SCYL3: variants seen among roughly 807,000 people sequenced by gnomAD.
SCYL3 encodes the protein SCY1 like pseudokinase 3, also known as protein-associating with the carboxyl-terminal domain of ezrin.
Under a neutral mutation model 73.8 loss-of-function variants are expected in SCYL3, and 35 were observed. The ratio of observed to expected loss-of-function variants is 0.47; its 90% CI spans 0.36 to 0.63. The LOEUF is 0.63. Among genes scored for constraint, SCYL3 ranks in the 20% least tolerant of loss-of-function variants. SCYL3 has a pLI of 0.00. For synonymous variants in SCYL3, 277 were observed against 295.2 expected (o/e 0.94, Z 0.63); for missense variants, 712 against 798.9 (o/e 0.89, Z 1.31).
chr1:169,855,049 G>T (rs948016631), intron 11 of SCYL3, 85 bp from the exon 12 acceptor site: 7 of 948,058 alleles, frequency 7.4e-6, no homozygotes, highest in Non-Finnish European at 1.1e-5. Flanking sequence ...AGGAAGTGTA[G>T]TAGTATAGGT....
In SCYL3 at chr1:169,852,072, C is replaced by CTGTT. The variant is rs1387981620; in HGVS notation, c.*1637_*1640dup. On this transcript the variant is annotated 3_prime_UTR_variant, in exon 13 of 13. Coordinates refer to ENST00000367771, the MANE Select transcript of SCYL3 (RefSeq NM_020423.7). ...CAAATAGATCTAGACATGTAAAATT[C>CTGTT]TGTTTTATGGTAGTTGCTTTTAAAA... 8.1e-7 allele frequency: 1 copy of CTGTT among 1,238,048 alleles called. No homozygotes were observed. The highest frequency in any genetic ancestry group is 2.5e-5 in the East Asian group (1 of 40,136). 76.7% of individuals were successfully genotyped at this position (1,238,048 alleles called of 1,614,324 possible).
chr1:169,864,283 C>G, intron 9 of SCYL3, 86 bp downstream of exon 9: 4 of 1,544,136 alleles, frequency 2.6e-6, no homozygotes, highest in African/African-American at 1.4e-5. Context: ...ATTAACTACA[C>G]CACACAGTAA....
chr1:169,881,383 G>A (rs1032804784), intron 2 of SCYL3, among the ~76,000 whole-genome samples: 3 of 152,156 alleles, frequency 2.0e-5, no homozygotes, highest in Non-Finnish European at 2.9e-5. Flanking sequence ...TCAAATCAAT[G>A]TAATTGGGAT....
chr1:169,884,028 CTTTTA>C (rs1346533584), intron 2 of SCYL3, among the ~76,000 whole-genome samples: 1 of 151,950 alleles, frequency 6.6e-6, no homozygotes, highest in Non-Finnish European at 1.5e-5. Context: ...CCTCCAATTT[CTTTTA>C]TTTTCTTATA....
At chr1:169,862,591 C>A (rs377187286) in intron 10 of SCYL3, 22 bp downstream of exon 10, 66 of 1,612,770 alleles carry the variant, frequency 4.1e-5, no homozygotes, top group Non-Finnish European at 5.0e-5. Flanking sequence ...GTGACTACCC[C>A]ACTGCAAACT....
At chr1:169,878,867 A>G (rs1661047692) in intron 2 of SCYL3, 48 bp from the exon 3 acceptor site, 1 of 1,510,240 alleles carries the variant, frequency 6.6e-7, no homozygotes, top group Non-Finnish European at 9.0e-7. Flanking sequence ...CCCAAACCAG[A>G]TTATAGTTTC....
chr1:169,875,927 C>A (rs1463599929), intron 4 of SCYL3, 51 bp downstream of exon 4: 1 of 1,214,586 alleles, frequency 8.2e-7, no homozygotes, highest in Admixed American at 2.1e-5. Context: ...AACCACATAC[C>A]AAGACGCTAT....
Position 169,854,805 on chromosome 1 carries a change from A to G in SCYL3, c.1472T>C (p.Ile491Thr). 1.2e-6 allele frequency: 2 copies of G among 1,613,972 alleles called. No homozygotes were observed. Among genetic ancestry groups the G allele is most frequent in the East Asian group, 2.2e-5 (1 of 44,872 alleles). Residue 491 changes from isoleucine (I) to threonine (T), a missense_variant, in exon 12 of 13, where the codon ATA becomes ACA. Transcript: ENST00000367771. ...PEEPENQTVN[I>T]QIWPREPCDD... Reference sequence around the variant, plus strand: ...ACAAGGTTCTCTAGGCCAAATCTGTATGTTGACAGTTTGATTTTCAGGCTC... The same window carrying G: ...ACAAGGTTCTCTAGGCCAAATCTGTGTGTTGACAGTTTGATTTTCAGGCTC...
At position 169,854,758 on chromosome 1, in the gene SCYL3, T is replaced by C; in HGVS notation, c.1519A>G (p.Thr507Ala). ...GATGACTCTTCCACATCCAAGGTAGTGCACTGGGACTTGACATCATCACAA... is the reference window on the plus strand; with the variant it reads ...GATGACTCTTCCACATCCAAGGTAGCGCACTGGGACTTGACATCATCACAA... ...EPCDDVKSQC[T>A]TLDVEESSWD... is the part of the protein sequence containing the mutation. The change falls in exon 12 of 13, where the codon ACT (threonine) becomes GCT (alanine). Residue 507 changes from threonine to alanine, a missense_variant. Thr to Ala is a moderately conservative substitution (Grantham distance 58). Transcript: ENST00000367771. 1.2e-6 allele frequency: 2 copies of C among 1,614,092 alleles called. No individual in the cohort carries two copies. The highest frequency in any genetic ancestry group is 2.2e-5 in the South Asian group (2 of 91,080).
Position 169,862,724 on chromosome 1 carries a change from G to A in SCYL3, c.1029C>T (p.Leu343=). The A allele has an allele frequency of 6.2e-7, 1 of 1,614,182 alleles. No homozygotes were observed. The highest frequency in any genetic ancestry group is 8.5e-7 in the Non-Finnish European group (1 of 1,180,042). The part of the protein sequence containing the change: ...LFQSRVIPVL[L]QLFEVHEEHV... ...GCTCTTCATGAACTTCAAACAACTG[G>A]AGAAGCACGGGGATCACCCGTGACT... is the stretch of plus-strand genomic sequence containing the variant. Residue 343 remains leucine (L), a synonymous_variant, in exon 10 of 13, where the codon CTC becomes CTT. Transcript: ENST00000367771.
intron 2 of SCYL3, among the ~76,000 whole-genome samples, chr1:169,887,393 A>T (rs1254412316): frequency 6.6e-6 from 1 of 152,216 alleles, no homozygotes; most frequent in East Asian, 1.9e-4. Flanking sequence ...CGTGCACCAT[A>T]AAGTGTAACA....
intron 4 of SCYL3, among the ~76,000 whole-genome samples, chr1:169,875,019 T>G (rs574416693): frequency 1.3e-5 from 2 of 152,068 alleles, no homozygotes; most frequent in Non-Finnish European, 2.9e-5. Context: ...GGCAAAGAAT[T>G]TGGAATAAAC....
At position 169,854,302 on chromosome 1, in the gene SCYL3, A is replaced by T. The variant is rs201351551; in HGVS notation, c.1975T>A (p.Ser659Thr). The T allele has an allele frequency of 4.4e-6, 7 of 1,607,664 alleles. No individual in the cohort carries two copies. Among genetic ancestry groups the T allele is most frequent in the Non-Finnish European group, 5.9e-6 (7 of 1,177,924 alleles). Residue 659 changes from serine (S) to threonine (T), a missense_variant, in exon 12 of 13, where the codon TCC (serine) becomes ACC (threonine). Coordinates refer to ENST00000367771, the MANE Select transcript of SCYL3 (RefSeq NM_020423.7). ...KDDVSPVMQF[S>T]SKFAAAEITE... ...ATTTCTGCTGCAGCAAATTTTGAGG[A>T]AAACTGCATCACTGGGGAGACATCA... is the stretch of plus-strand genomic sequence containing the variant.
At chr1:169,864,150 T>TA (rs1305352879) in intron 9 of SCYL3, among the ~76,000 whole-genome samples, 3 of 152,214 alleles carry the variant, frequency 2.0e-5, no homozygotes. Flanking sequence ...ATATAACACT[T>TA]ACTATAGTAA....
Position 169,859,015 on chromosome 1 carries a change from A to AAGTT in SCYL3, c.1312+22_1312+25dup, listed in dbSNP as rs774181944. On this transcript the variant is annotated intron_variant, in intron 11 of 12. Coordinates refer to ENST00000367771, the MANE Select transcript of SCYL3 (RefSeq NM_020423.7). ...AAAATCTAAAAAAATGACACACAAA[A>AAGTT]AGTTAGACCTTTTAATAATTCTTAC... 5.6e-6 allele frequency: 9 copies of AAGTT among 1,604,686 alleles called. No individual in the cohort carries two copies. The South Asian group carries it at 1.0e-4, about 18-fold the overall frequency.
chr1:169,849,881 A>G lies in SCYL3; in HGVS notation c.*3832T>C, dbSNP rs1657885661. 4.2e-6 allele frequency: 2 copies of G among 479,332 alleles called. No homozygotes were observed. Among genetic ancestry groups the G allele is most frequent in the South Asian group, 2.6e-5 (1 of 38,366 alleles). The allele number at this position is 479,332 out of a possible 1,614,324, so 29.7% of individuals were successfully genotyped here. A position where few individuals can be genotyped will look rare whatever the true frequency, so the allele number is the denominator to read the frequency against. The stretch of plus-strand genomic sequence containing the variant: ...AGACACAGACACAGTCTTCCAGCAG[A>G]TAGTATTTTTGGGTCAAATGATAAT... On this transcript the variant is annotated 3_prime_UTR_variant, in exon 13 of 13. Transcript: ENST00000367771.
chr1:169,892,245 A>C (rs1662137642), intron 1 of SCYL3, among the ~76,000 whole-genome samples: 1 of 151,098 alleles, frequency 6.6e-6, no homozygotes, highest in Admixed American at 6.6e-5. Context: ...TATATGAAGA[A>C]GTTTTTTTGT....
intron 8 of SCYL3, 138 bp downstream of exon 8, chr1:169,866,758 G>T: frequency 1.6e-6 from 1 of 617,464 alleles, no homozygotes; most frequent in South Asian, 1.9e-5. Flanking sequence ...GGGCCTAGCA[G>T]AAAGCCTGAC....
chr1:169,854,635 T>C lies in SCYL3; in HGVS notation c.1642A>G (p.Ile548Val), dbSNP rs1476033417. 2 of 1,614,082 alleles carry C rather than the reference T, an allele frequency of 1.2e-6. No homozygotes were observed. Among genetic ancestry groups the C allele is most frequent in the South Asian group, 1.1e-5 (1 of 91,086 alleles). ...KPVTSGEQKP[I>V]PALLSLTEES... is the part of the protein sequence containing the mutation. ...TCAGTGAGTGAAAGCAAAGCAGGAA[T>C]AGGCTTCTGCTCCCCTGAGGTAACA... Residue 548 changes from isoleucine (I) to valine (V), a missense_variant, in exon 12 of 13, where the codon ATT becomes GTT. By Grantham distance (29) the Ile-to-Val change is conservative (BLOSUM62 3). Coordinates refer to ENST00000367771, the MANE Select transcript of SCYL3 (RefSeq NM_020423.7).
Sources: gnomAD v4.1 joint callset for allele counts (sites outside exome capture counted in the v4.1 genomes callset) on GRCh38, gnomAD v4.1.1 for gene constraint, MANE v1.5 for transcripts, NCBI Gene and HGNC (gene_info 2026-07-23, HGNC 2026-07-21) for gene names.